Variants in RBM47 observed in about 807,000 individuals in gnomAD.
RBM47 encodes RNA binding motif protein 47.
Under a neutral mutation model 47.1 loss-of-function variants are expected in RBM47, and 21 were observed. That is an observed-to-expected ratio of 0.45 (90% CI 0.32 to 0.64). The LOEUF is 0.64. RBM47 is among the 30% of genes least tolerant of loss of function. The pLI is 0.05. For synonymous variants in RBM47, 375 were observed against 361.7 expected (o/e 1.04, Z -0.42); for missense variants, 708 against 870.9 (o/e 0.81, Z 2.35).
intron 1 of RBM47, among the ~76,000 whole-genome samples, chr4:40,592,414 T>A (rs1334165434): frequency 1.4e-5 from 2 of 141,950 alleles, no homozygotes; most frequent in Admixed American, 7.3e-5. Flanking sequence ...CCTGGCTTAA[T>A]CTTTTTTTTT....
chr4:40,463,538 G>T (rs893109660), intron 3 of RBM47, among the ~76,000 whole-genome samples: 1 of 152,102 alleles, frequency 6.6e-6, no homozygotes, highest in Admixed American at 6.6e-5. Flanking sequence ...CACAGTGCAA[G>T]AAATGAACAT....
At chr4:40,496,823 T>G (rs1377561970) in intron 2 of RBM47, among the ~76,000 whole-genome samples, 1 of 152,014 alleles carries the variant, frequency 6.6e-6, no homozygotes, top group Admixed American at 6.6e-5. Context: ...GTGGATCACC[T>G]GAGGTCAGGA....
At chr4:40,477,323 C>A (rs1183532188) in intron 2 of RBM47, among the ~76,000 whole-genome samples, 2 of 152,110 alleles carry the variant, frequency 1.3e-5, no homozygotes, top group African/African-American at 4.8e-5. Context: ...AAATTATCAA[C>A]AAGTTAACAT....
At chr4:40,437,018 T>A (rs1712571279) in intron 4 of RBM47, 2 of 319,292 alleles carry the variant, frequency 6.3e-6, no homozygotes, top group Admixed American at 7.1e-5. Flanking sequence ...GGCGAGAGGA[T>A]GGCTTGAGCC....
intron 5 of RBM47, among the ~76,000 whole-genome samples, chr4:40,434,350 T>C (rs866965077): frequency 2.0e-5 from 3 of 152,070 alleles, no homozygotes; most frequent in Non-Finnish European, 4.4e-5. Context: ...CGCCAATCGA[T>C]GGGGCCCAGA....
At position 40,504,427 on chromosome 4, in the gene RBM47, AT is replaced by A. The variant is rs756226991; in HGVS notation, c.-154-37729del. ...TGCCTCAGCCTTCCCAGTAGCTGGG[AT>A]TACAGGTGCCCGCCACCACACCTGA... is the stretch of plus-strand genomic sequence containing the variant. On this transcript the variant is annotated intron_variant, in intron 2 of 6. Transcript: ENST00000295971. Among the ~76,000 whole-genome samples the A allele has an allele frequency of 7.9e-5, 12 of 151,444 alleles. 1 individual carries two copies. The highest frequency in any genetic ancestry group is 4.2e-4 in the South Asian group (2 of 4,818).
intron 3 of RBM47, among the ~76,000 whole-genome samples, chr4:40,464,401 T>C (rs925745739): frequency 6.6e-6 from 1 of 152,164 alleles, no homozygotes; most frequent in Admixed American, 6.5e-5. Context: ...AATTTATAAA[T>C]TAGGCACAGT....
Position 40,600,944 on chromosome 4 carries a change from C to T in RBM47, c.-240+28452G>A, listed in dbSNP as rs1247470372. Among the ~76,000 whole-genome samples, 3 of 132,276 alleles carry T rather than the reference C, an allele frequency of 2.3e-5. 1 individual carries two copies. 86.8% of individuals were successfully genotyped at this position (132,276 alleles called of 152,430 possible). Reference sequence around the variant, plus strand: ...AGTTTGCGGTAAGCCAAGATCGCGCCACTGCACTCTAGCCTAGGCAACAAG... The same window carrying T: ...AGTTTGCGGTAAGCCAAGATCGCGCTACTGCACTCTAGCCTAGGCAACAAG... On this transcript the variant is annotated intron_variant, in intron 1 of 6. Transcript: ENST00000295971.
At chr4:40,476,240 C>T (rs900167620) in intron 2 of RBM47, among the ~76,000 whole-genome samples, 6 of 151,948 alleles carry the variant, frequency 3.9e-5, no homozygotes, top group African/African-American at 9.7e-5. Context: ...ATAGAAAGTA[C>T]TCAAAAAGTG....
Position 40,438,779 on chromosome 4 carries a change from T to G in RBM47, c.115A>C (p.Met39Leu). Residue 39 changes from methionine (M) to leucine (L), a missense_variant, in exon 4 of 7, where the codon ATG becomes CTG. Transcript: ENST00000295971. ...ACCATGCTGTAGCCCGTGCGCTCCA[T>G]CAGCGCCAGCAGTGCTGCCTCGTTG... ...APNEAALLALMERTGYSMVQE... is the reference protein window; with the variant it reads ...APNEAALLALLERTGYSMVQE... 6.4e-7 allele frequency: 1 copy of G among 1,563,308 alleles called. No homozygotes were observed. Among genetic ancestry groups the G allele is most frequent in the Non-Finnish European group, 8.6e-7 (1 of 1,159,434 alleles).
chr4:40,468,530 A>G (rs1454833511), intron 2 of RBM47, among the ~76,000 whole-genome samples: 1 of 152,226 alleles, frequency 6.6e-6, no homozygotes, highest in African/African-American at 2.4e-5. Context: ...AGACACCGTA[A>G]GACCTTTAGG....
At chr4:40,541,233 T>G (rs1314332705) in intron 2 of RBM47, among the ~76,000 whole-genome samples, 1 of 148,342 alleles carries the variant, frequency 6.7e-6, no homozygotes, top group Non-Finnish European at 1.5e-5. Flanking sequence ...ACCACTGCAT[T>G]CCAGCCTAGG....
intron 1 of RBM47, among the ~76,000 whole-genome samples, chr4:40,625,215 C>G (rs1000917529): frequency 5.9e-5 from 9 of 152,112 alleles, no homozygotes; most frequent in Middle Eastern, 3.2e-3. Context: ...TTTTGAAACA[C>G]AAATGGTTTA....
intron 1 of RBM47, among the ~76,000 whole-genome samples, chr4:40,576,966 C>T (rs867148072): frequency 4.6e-5 from 7 of 152,114 alleles, no homozygotes; most frequent in Non-Finnish European, 8.8e-5. Flanking sequence ...TAGATTCAGA[C>T]AGGCTGGCTC....
intron 1 of RBM47, among the ~76,000 whole-genome samples, chr4:40,566,378 G>T (rs1731104730): frequency 6.6e-6 from 1 of 152,082 alleles, no homozygotes; most frequent in Non-Finnish European, 1.5e-5. Context: ...TGGGCACAGT[G>T]GCTCATGCCT....
intron 2 of RBM47, among the ~76,000 whole-genome samples, chr4:40,490,564 AAAACT>A (rs1223675825): frequency 2.6e-5 from 4 of 152,172 alleles, no homozygotes; most frequent in African/African-American, 9.6e-5. Flanking sequence ...TACAAGTGTT[AAAACT>A]ACAAAACATT....
intron 2 of RBM47, among the ~76,000 whole-genome samples, chr4:40,508,754 A>G (rs932355954): frequency 1.3e-5 from 2 of 152,238 alleles, no homozygotes; most frequent in Admixed American, 1.3e-4. Flanking sequence ...TTGTGCCTTA[A>G]TCTGGGTGGT....
chr4:40,557,257 C>G (rs922758334), intron 1 of RBM47, among the ~76,000 whole-genome samples: 1 of 152,146 alleles, frequency 6.6e-6, no homozygotes, highest in African/African-American at 2.4e-5. Context: ...CCCTTTAATT[C>G]TCACCCACAT....
intron 1 of RBM47, among the ~76,000 whole-genome samples, chr4:40,596,506 G>A (rs1488847522): frequency 6.6e-6 from 1 of 152,152 alleles, no homozygotes; most frequent in Non-Finnish European, 1.5e-5. Context: ...AAAAATTTTA[G>A]GCTTTTTGAG....
Sources: allele counts gnomAD v4.1 joint callset (sites outside exome capture counted in the v4.1 genomes callset), GRCh38; gene constraint gnomAD v4.1.1; transcripts MANE v1.5; gene names NCBI Gene and HGNC (gene_info 2026-07-23, HGNC 2026-07-21).